MMP20: variants seen among roughly 807,000 people sequenced by gnomAD.
MMP20 encodes matrix metallopeptidase 20, also known as matrix metalloproteinase-20.
A neutral mutation model predicts 51.8 loss-of-function variants in MMP20; 50 were observed. That is an observed-to-expected ratio of 0.97 (90% CI 0.77 to 1.22). The LOEUF is 1.22. Among genes scored for constraint, MMP20 ranks in the 50% most tolerant of loss-of-function variants. The pLI is 0.00. For missense variants in MMP20, 663 were observed against 601.4 expected (o/e 1.10, Z -1.07); for synonymous variants, 244 against 216.2 (o/e 1.13, Z -1.13).
rs1366764490 is a variant in MMP20 at position 102,611,772 on chromosome 11, A to G, written c.506T>C (p.Ile169Thr). The G allele has an allele frequency of 2.5e-6, 4 of 1,614,188 alleles. No homozygotes were observed. Among genetic ancestry groups the G allele is most frequent in the East Asian group, 2.2e-5 (1 of 44,880 alleles). Residue 169 changes from isoleucine (I) to threonine (T), a missense_variant, in exon 3 of 10, where the codon ATA (isoleucine) becomes ACA (threonine). Transcript: ENST00000260228. The stretch of plus-strand genomic sequence containing the variant: ...CACAATACCTCCATTTTCAAAAGAT[A>G]TCATAATATCCGCTTCTCCTGAGTT... ...RINSGEADIM[I>T]SFENGDHGDS...
chr11:102,609,137 G>C, intron 4 of MMP20, 39 bp from the exon 5 acceptor site: 2 of 1,593,880 alleles, frequency 1.3e-6, no homozygotes, highest in Non-Finnish European at 1.7e-6. Flanking sequence ...TATCAACACA[G>C]GTTTTTGTTT....
chr11:102,617,402 A>G (rs575938192), intron 1 of MMP20, among the ~76,000 whole-genome samples: 2 of 152,340 alleles, frequency 1.3e-5, no homozygotes, highest in Admixed American at 6.5e-5. Context: ...TGATGTGAAC[A>G]TTATTTCCAT....
intron 6 of MMP20, among the ~76,000 whole-genome samples, chr11:102,595,505 G>A (rs532887291): frequency 1.3e-5 from 2 of 152,300 alleles, no homozygotes; most frequent in African/African-American, 4.8e-5. Flanking sequence ...GATCCAGAAG[G>A]TGGACATTGT....
intron 2 of MMP20, among the ~76,000 whole-genome samples, chr11:102,614,033 A>G (rs1859636438): frequency 6.6e-6 from 1 of 152,216 alleles, no homozygotes; most frequent in South Asian, 2.1e-4. Context: ...GAGCTTGATA[A>G]AGCAATAGTA....
chr11:102,617,003 A>G lies in MMP20; in HGVS notation c.183T>C (p.Val61=), dbSNP rs778944042. The G allele has an allele frequency of 1.5e-5, 25 of 1,614,172 alleles. No individual in the cohort carries two copies. The East Asian group carries it at 5.3e-4, about 35-fold the overall frequency. Residue 61 remains valine, a synonymous_variant, in exon 2 of 10, where the codon GTT becomes GTC. Coordinates refer to ENST00000260228, the MANE Select transcript of MMP20 (RefSeq NM_004771.4). ...TTATCATGGAATTGCTTCCTCTTGC[A>G]ACCATCTCACCAATCTGGTGTCCTT... is the stretch of plus-strand genomic sequence containing the variant. ...NKEGHQIGEM[V]ARGSNSMIRK...
intron 2 of MMP20, among the ~76,000 whole-genome samples, chr11:102,612,275 G>A (rs1217164968): frequency 3.9e-5 from 6 of 152,146 alleles, no homozygotes; most frequent in Admixed American, 2.0e-4. Flanking sequence ...GATCAGCCTA[G>A]CCAAGATGGT....
intron 2 of MMP20, among the ~76,000 whole-genome samples, chr11:102,615,117 C>A: frequency 6.9e-6 from 1 of 144,374 alleles, no homozygotes; most frequent in African/African-American, 2.5e-5. Context: ...AATAATTATA[C>A]CTATTAAATA....
rs1229761793 is a variant in MMP20 at position 102,608,919 on chromosome 11, A to G, written c.811+18T>C. ...TGCCAATTTCAGGGTGAGTCATCAA[A>G]GAAGGTAATAATCTTACCGTATAAT... On this transcript the variant is annotated intron_variant, in intron 5 of 9. Transcript: ENST00000260228. 2 of 1,613,420 alleles carry G rather than the reference A, an allele frequency of 1.2e-6. No homozygotes were observed. Among genetic ancestry groups the G allele is most frequent in the African/African-American group, 2.7e-5 (2 of 74,916 alleles).
chr11:102,607,499 G>C (rs541900618), intron 5 of MMP20: 1 of 152,690 alleles, frequency 6.5e-6, no homozygotes, highest in South Asian at 2.1e-4. Context: ...AAAGGTTCAG[G>C]CCTCTGATAA....
rs555352277 is a variant in MMP20, at chr11:102,599,890, T to C, written c.954-5133A>G. On this transcript the variant is annotated intron_variant, in intron 6 of 9. Coordinates refer to ENST00000260228, the MANE Select transcript of MMP20 (RefSeq NM_004771.4). ...TGTAGCCAGTGCTGTGGATTAATGA[T>C]AGTCAAAGCTGTGCATAGTGCCCTT... Among the ~76,000 whole-genome samples, 63 of 152,312 alleles carry C rather than the reference T, an allele frequency of 4.1e-4. No individual in the cohort carries two copies. In the South Asian group the frequency reaches 0.013, roughly 31 times the overall value.
chr11:102,622,784 T>G (rs1014070644), intron 1 of MMP20, among the ~76,000 whole-genome samples: 3 of 152,244 alleles, frequency 2.0e-5, no homozygotes, highest in African/African-American at 7.2e-5. Flanking sequence ...TTCTCCAGCA[T>G]ATGCCATGCT....
intron 8 of MMP20, among the ~76,000 whole-genome samples, chr11:102,587,449 G>A (rs1209412462): frequency 6.6e-6 from 1 of 152,148 alleles, no homozygotes; most frequent in Non-Finnish European, 1.5e-5. Context: ...GCATTCTATA[G>A]ATATATGTTA....
chr11:102,612,202 C>A (rs185176516), intron 2 of MMP20, among the ~76,000 whole-genome samples: 2 of 152,164 alleles, frequency 1.3e-5, no homozygotes, highest in African/African-American at 4.8e-5. Context: ...CAGTGGCTCA[C>A]GCCTGTAATC....
At chr11:102,619,776 C>CTT (rs759706007) in intron 1 of MMP20, among the ~76,000 whole-genome samples, 2 of 142,998 alleles carry the variant, frequency 1.4e-5, no homozygotes, top group Non-Finnish European at 3.1e-5. Context: ...AGGGCTTTTA[C>CTT]TTTTTTTTTT....
At chr11:102,596,056 AC>A (rs1484565473) in intron 6 of MMP20, among the ~76,000 whole-genome samples, 2 of 152,248 alleles carry the variant, frequency 1.3e-5, no homozygotes, top group African/African-American at 4.8e-5. Flanking sequence ...AGGATGAAAC[AC>A]TGAAGAAGAT....
chr11:102,581,467 A>C (rs911965388), intron 8 of MMP20, among the ~76,000 whole-genome samples: 5 of 152,244 alleles, frequency 3.3e-5, no homozygotes, highest in African/African-American at 1.2e-4. Context: ...GAGGGGATTA[A>C]GATGAAGTAG....
intron 9 of MMP20, 73 bp from the exon 10 acceptor site, chr11:102,577,499 G>T (rs1046179805): frequency 1.9e-6 from 2 of 1,063,488 alleles, no homozygotes; most frequent in Non-Finnish European, 2.9e-6. Flanking sequence ...ATTTGTCACT[G>T]TCACTTTCTT....
chr11:102,623,989 A>G (rs568785809), intron 1 of MMP20, among the ~76,000 whole-genome samples: 6 of 152,376 alleles, frequency 3.9e-5, no homozygotes, highest in African/African-American at 1.2e-4. Context: ...GCTAAAGTCA[A>G]AAGAAGTTCA....
chr11:102,593,934 G>T (rs574690241), intron 7 of MMP20, among the ~76,000 whole-genome samples: 2 of 152,292 alleles, frequency 1.3e-5, no homozygotes, highest in African/African-American at 4.8e-5. Flanking sequence ...ACATGCAAAT[G>T]TCATGATTTT....
Sources: allele counts gnomAD v4.1 joint callset (sites outside exome capture counted in the v4.1 genomes callset), GRCh38; gene constraint gnomAD v4.1.1; transcripts MANE v1.5; gene names NCBI Gene and HGNC (gene_info 2026-07-23, HGNC 2026-07-21).